Variants in ASB1 observed in about 807,000 individuals in gnomAD.
ASB1 encodes ankyrin repeat and SOCS box protein 1.
A neutral mutation model predicts 27.7 loss-of-function variants in ASB1; 18 were observed. The observed-to-expected ratio is 0.65, with a 90% CI of 0.45 to 0.96. The LOEUF (loss-of-function observed/expected upper bound fraction) is 0.96, where lower values mean the gene tolerates loss of function less well. Among genes scored for constraint, ASB1 ranks in the 50% least tolerant of loss-of-function variants. The probability of loss-of-function intolerance (pLI) is 0.00; values close to 1 mark genes in which losing one functional copy is unlikely to be tolerated. For missense variants in ASB1, 397 were observed against 451.7 expected, an observed-to-expected ratio of 0.88 and a Z score of 1.10; for synonymous variants, 189 against 187.6, an observed-to-expected ratio of 1.01 and a Z score of -0.06.
chr2:238,428,491 A>G (rs1701805983), intron 1 of ASB1, among the ~76,000 whole-genome samples: 1 of 152,148 alleles, frequency 6.6e-6, no homozygotes, highest in Admixed American at 6.5e-5. Context: ...GCTTCACCAT[A>G]TTGGCATATT....
intron 3 of ASB1, 140 bp from the exon 4 acceptor site, chr2:238,444,202 C>T: frequency 1.2e-6 from 1 of 811,792 alleles, no homozygotes; most frequent in Non-Finnish European, 1.9e-6. Flanking sequence ...GCTATCTGAT[C>T]TGTGGAGTCT....
intron 3 of ASB1, among the ~76,000 whole-genome samples, chr2:238,438,331 C>G (rs1702012516): frequency 6.6e-6 from 1 of 151,730 alleles, no homozygotes; most frequent in African/African-American, 2.4e-5. Flanking sequence ...TCCCAAGTAG[C>G]TGGGACTACA....
chr2:238,429,827 A>G (rs1004818960), intron 1 of ASB1, among the ~76,000 whole-genome samples: 2 of 151,894 alleles, frequency 1.3e-5, no homozygotes, highest in Admixed American at 6.6e-5. Context: ...AGTCCCAGCT[A>G]CTTGGGAGGC....
At chr2:238,445,257 G>A (rs2106410630) in intron 4 of ASB1, among the ~76,000 whole-genome samples, 1 of 152,240 alleles carries the variant, frequency 6.6e-6, no homozygotes, top group Admixed American at 6.5e-5. Flanking sequence ...GGGATTACAG[G>A]CACGAGCCAC....
At chr2:238,428,341 AG>A (rs1701802046) in intron 1 of ASB1, among the ~76,000 whole-genome samples, 2 of 152,092 alleles carry the variant, frequency 1.3e-5, no homozygotes, top group African/African-American at 4.8e-5. Flanking sequence ...CCCAGGGTGG[AG>A]TGCAGTGGCG....
intron 3 of ASB1, among the ~76,000 whole-genome samples, chr2:238,441,653 C>T (rs1439490090): frequency 1.3e-5 from 2 of 152,198 alleles, no homozygotes; most frequent in Non-Finnish European, 2.9e-5. Context: ...GTACAGCGAC[C>T]CCCTCACTCC....
chr2:238,436,141 G>T, intron 3 of ASB1, 128 bp downstream of exon 3: 1 of 841,564 alleles, frequency 1.2e-6, no homozygotes. Flanking sequence ...TTTGTAAAGA[G>T]CTGCCTCTTG....
chr2:238,436,125 C>A, intron 3 of ASB1, 112 bp downstream of exon 3: 1 of 1,103,068 alleles, frequency 9.1e-7, no homozygotes, highest in Non-Finnish European at 1.2e-6. Flanking sequence ...GCCTGTTTTG[C>A]TGGCCTTTGT....
At chr2:238,439,645 A>C (rs1702042127) in intron 3 of ASB1, among the ~76,000 whole-genome samples, 1 of 152,156 alleles carries the variant, frequency 6.6e-6, no homozygotes, top group Admixed American at 6.5e-5. Flanking sequence ...GGCTGATGAA[A>C]GCTCAAGAAA....
chr2:238,433,753 G>A, intron 2 of ASB1, 58 bp downstream of exon 2: 2 of 1,590,974 alleles, frequency 1.3e-6, no homozygotes, highest in African/African-American at 1.3e-5. Flanking sequence ...TCTGTGTGAA[G>A]CTGAGCCCCA....
At chr2:238,432,091 G>A (rs563797783) in intron 1 of ASB1, among the ~76,000 whole-genome samples, 3 of 152,108 alleles carry the variant, frequency 2.0e-5, no homozygotes, top group Non-Finnish European at 4.4e-5. Flanking sequence ...GAAGGCTGCC[G>A]GTATTAGGTT....
At chr2:238,432,037 A>G (rs1701880479) in intron 1 of ASB1, among the ~76,000 whole-genome samples, 1 of 152,240 alleles carries the variant, frequency 6.6e-6, no homozygotes, top group South Asian at 2.1e-4. Flanking sequence ...TTGTAAAAAA[A>G]CACAATTACG....
chr2:238,429,952 ACC>A (rs1701836990), intron 1 of ASB1, among the ~76,000 whole-genome samples: 3 of 129,050 alleles, frequency 2.3e-5, no homozygotes, highest in Non-Finnish European at 3.5e-5. Context: ...AAAAAAAAAA[ACC>A]AAGTACAATA....
Position 238,450,676 on chromosome 2 carries a change from A to G in ASB1, c.*4165A>G, listed in dbSNP as rs370518727. ...CTGCGTGCGGTTTTAGGAAGTGCCA[A>G]CACCCGTGGTGATGGGCCTCTGGCC... On this transcript the variant is annotated 3_prime_UTR_variant, in exon 5 of 5. Coordinates refer to ENST00000264607, the MANE Select transcript of ASB1 (RefSeq NM_001040445.3). 2.6e-5 allele frequency: 4 copies of G among 151,866 alleles called. No individual in the cohort carries two copies. The highest frequency in any genetic ancestry group is 9.7e-5 in the African/African-American group (4 of 41,304). 9.4% of individuals were successfully genotyped at this position (151,866 alleles called of 1,614,324 possible).
intron 3 of ASB1, among the ~76,000 whole-genome samples, chr2:238,437,651 A>T (rs1202001728): frequency 2.0e-5 from 3 of 146,570 alleles, no homozygotes; most frequent in Non-Finnish European, 4.5e-5. Flanking sequence ...TCCCTCTTTT[A>T]CTCTGGAGAC....
chr2:238,443,741 C>CTTT (rs61693685), intron 3 of ASB1, among the ~76,000 whole-genome samples: 21 of 145,886 alleles, frequency 1.4e-4, no homozygotes, highest in African/African-American at 3.7e-4. Flanking sequence ...ATATGCCCAC[C>CTTT]TTTTTTTTTT....
At chr2:238,440,359 G>A (rs555615689) in intron 3 of ASB1, among the ~76,000 whole-genome samples, 1 of 152,334 alleles carries the variant, frequency 6.6e-6, no homozygotes, top group Non-Finnish European at 1.5e-5. Context: ...TACATGGACA[G>A]GAGTTCACCT....
chr2:238,433,239 G>A (rs917962263), intron 1 of ASB1: 11 of 219,690 alleles, frequency 5.0e-5, no homozygotes, highest in Non-Finnish European at 7.3e-5. Context: ...GTCAGCGTTG[G>A]TGTCAGGAGT....
chr2:238,444,979 CTTTTTT>C (rs34563680), intron 4 of ASB1, among the ~76,000 whole-genome samples: 1 of 117,868 alleles, frequency 8.5e-6, no homozygotes, highest in Admixed American at 9.3e-5. Flanking sequence ...CTCGCGCTCT[CTTTTTT>C]TTTTTTTTTT....
Sources: gnomAD v4.1 joint callset for allele counts (sites outside exome capture counted in the v4.1 genomes callset) on GRCh38, gnomAD v4.1.1 for gene constraint, MANE v1.5 for transcripts, NCBI Gene and HGNC (gene_info 2026-07-23, HGNC 2026-07-21) for gene names.